The following AK3 variants were observed in gnomAD, a reference collection of about 807,000 sequenced individuals.
AK3 encodes adenylate kinase 3.
AK3 carries 27 observed loss-of-function variants against 23.7 expected under a neutral mutation model. The observed-to-expected ratio is 1.14, with a 90% CI of 0.84 to 1.57. The LOEUF is 1.57. AK3 is among the 40% of genes most tolerant of loss of function. The pLI, the probability that AK3 is intolerant of heterozygous loss-of-function variation, is 0.00. For synonymous variants in AK3, 159 were observed against 116.0 expected, an observed-to-expected ratio of 1.37 and a Z score of -2.38; for missense variants, 406 against 285.6, an observed-to-expected ratio of 1.42 and a Z score of -3.04.
At chr9:4,728,866 T>TATATATATATATATATATACACACAC (rs1395790351) in intron 1 of AK3, among the ~76,000 whole-genome samples, 1 of 87,894 alleles carries the variant, frequency 1.1e-5, no homozygotes, top group African/African-American at 3.8e-5. Flanking sequence ...TATATATATA[T>TATATATATATATATATATACACACAC]ACACACACAC....
At chr9:4,716,515 T>C (rs412523) in intron 4 of AK3, among the ~76,000 whole-genome samples, 1 of 152,262 alleles carries the variant, frequency 6.6e-6, no homozygotes, top group South Asian at 2.1e-4. Flanking sequence ...ATAGCTTGCC[T>C]AGGGCAAAAG....
At chr9:4,714,129 C>CACACCTCCACATATACGCCTACACATAT (rs1563781230) in intron 4 of AK3, among the ~76,000 whole-genome samples, 1 of 6,138 alleles carries the variant, frequency 1.6e-4, no homozygotes, top group African/African-American at 4.5e-4. Context: ...TCCACATATA[C>CACACCTCCACATATACGCCTACACATAT]ACACCTACAC....
At chr9:4,730,967 G>C (rs997411640) in intron 1 of AK3, among the ~76,000 whole-genome samples, 2 of 104,494 alleles carry the variant, frequency 1.9e-5, no homozygotes, top group African/African-American at 3.7e-5. Context: ...GATAATTATG[G>C]ACCCAGTTTC....
At chr9:4,741,499 CCTCCGCGCCT>C (rs1842435342), upstream of AK3, among the ~76,000 whole-genome samples, 1 of 151,444 alleles carries the variant, frequency 6.6e-6, no homozygotes, top group Non-Finnish European at 1.5e-5. Context: ...CTCAGATCTA[CCTCCGCGCCT>C]CTCCGCGACC....
intron 4 of AK3, among the ~76,000 whole-genome samples, chr9:4,717,448 G>A (rs1354728515): frequency 1.3e-5 from 2 of 152,166 alleles, no homozygotes; most frequent in South Asian, 2.1e-4. Flanking sequence ...ATAGTCTGAG[G>A]GATTAGCTGC....
In AK3 at chr9:4,713,009, T is replaced by C. The variant is rs769541213; in HGVS notation, c.651A>G (p.Pro217=). 1.2e-6 allele frequency: 2 copies of C among 1,613,752 alleles called. No homozygotes were observed. Among genetic ancestry groups the C allele is most frequent in the South Asian group, 2.2e-5 (2 of 91,062 alleles). ...TAACTGAAGCTTTCTGGCTTCTTTG[T>C]GGAACTTTAGTTTGTAGGAAAGCAT... is the stretch of plus-strand genomic sequence containing the variant. The part of the protein sequence containing the change: ...YVYAFLQTKV[P]QRSQKASVTP Residue 217 remains proline (P), a synonymous_variant, in exon 5 of 5, where the codon CCA becomes CCG. Coordinates refer to ENST00000381809, the MANE Select transcript of AK3 (RefSeq NM_016282.4).
At chr9:4,728,998 C>CACACAT (rs780404503) in intron 1 of AK3, among the ~76,000 whole-genome samples, 6 of 91,344 alleles carry the variant, frequency 6.6e-5, no homozygotes, top group African/African-American at 2.0e-4. Flanking sequence ...CACACACACA[C>CACACAT]ATATATATAT....
chr9:4,716,293 G>A (rs1185376519), intron 4 of AK3, among the ~76,000 whole-genome samples: 1 of 152,136 alleles, frequency 6.6e-6, no homozygotes, highest in African/African-American at 2.4e-5. Context: ...AGCCTGACAG[G>A]GACTGGATCT....
chr9:4,718,863 A>C (rs993935942), intron 3 of AK3, among the ~76,000 whole-genome samples: 1 of 152,234 alleles, frequency 6.6e-6, no homozygotes, highest in African/African-American at 2.4e-5. Context: ...CCAAGGTGTT[A>C]TGAATCTCTA....
intron 4 of AK3, 112 bp from the exon 5 acceptor site, chr9:4,713,208 G>C: frequency 7.3e-7 from 1 of 1,366,634 alleles, no homozygotes; most frequent in Non-Finnish European, 9.7e-7. Flanking sequence ...GTCTTGGTAA[G>C]TATAGATTTG....
At chr9:4,724,184 T>C (rs1841968664) in intron 1 of AK3, among the ~76,000 whole-genome samples, 1 of 151,664 alleles carries the variant, frequency 6.6e-6, no homozygotes. Flanking sequence ...ATACTTAATG[T>C]GTGAACTTCT....
At chr9:4,733,243 CTT>C (rs1842195467) in intron 1 of AK3, among the ~76,000 whole-genome samples, 2 of 152,074 alleles carry the variant, frequency 1.3e-5, no homozygotes, top group Admixed American at 1.3e-4. Flanking sequence ...TGACATAAAA[CTT>C]AACTTTAAAA....
intron 3 of AK3, among the ~76,000 whole-genome samples, chr9:4,718,878 C>T (rs1050354556): frequency 1.3e-5 from 2 of 152,164 alleles, no homozygotes; most frequent in African/African-American, 4.8e-5. Context: ...TCTCTATCAG[C>T]GCAACTCCTA....
intron 1 of AK3, among the ~76,000 whole-genome samples, chr9:4,725,185 A>C (rs1471890348): frequency 6.6e-6 from 1 of 151,734 alleles, no homozygotes; most frequent in Non-Finnish European, 1.5e-5. Flanking sequence ...CACCATGCCC[A>C]GCTAATTTTT....
intron 4 of AK3, 79 bp downstream of exon 4, chr9:4,718,340 T>C (rs1207868847): frequency 5.8e-6 from 6 of 1,042,770 alleles, no homozygotes; most frequent in East Asian, 2.4e-5. Context: ...TTTTAGCATT[T>C]CAGCTGTAGA....
intron 2 of AK3, among the ~76,000 whole-genome samples, chr9:4,721,959 G>A (rs552551289): frequency 5.3e-5 from 8 of 152,330 alleles, no homozygotes; most frequent in Admixed American, 1.3e-4. Flanking sequence ...GTGTGCGAAG[G>A]TGGGTGAATG....
chr9:4,732,957 A>G (rs916315714), intron 1 of AK3, among the ~76,000 whole-genome samples: 2 of 151,158 alleles, frequency 1.3e-5, no homozygotes, highest in African/African-American at 4.9e-5. Context: ...GCATCCTCCC[A>G]GCTTAGCTTC....
At chr9:4,728,604 A>G (rs994360896) in intron 1 of AK3, among the ~76,000 whole-genome samples, 2 of 152,080 alleles carry the variant, frequency 1.3e-5, no homozygotes, top group Non-Finnish European at 2.9e-5. Flanking sequence ...AGTGTTGGTA[A>G]GAATGTGGAG....
intron 1 of AK3, among the ~76,000 whole-genome samples, chr9:4,738,972 T>C (rs2130918571): frequency 6.6e-6 from 1 of 151,878 alleles, no homozygotes. Context: ...GGGGGTTTCG[T>C]CATGTTGCCT....
Sources: gnomAD v4.1 joint callset for allele counts (sites outside exome capture counted in the v4.1 genomes callset) on GRCh38, gnomAD v4.1.1 for gene constraint, MANE v1.5 for transcripts, NCBI Gene and HGNC (gene_info 2026-07-23, HGNC 2026-07-21) for gene names.